Variants in ANKS1B observed in about 807,000 individuals in gnomAD.
ANKS1B encodes ankyrin repeat and sterile alpha motif domain containing 1B.
ANKS1B carries 36 observed loss-of-function variants against 148.3 expected under a neutral mutation model. That is an observed-to-expected ratio of 0.24 (90% CI 0.19 to 0.32). The LOEUF is 0.32. Among genes scored for constraint, ANKS1B ranks in the 10% least tolerant of loss-of-function variants. ANKS1B has a pLI of 1.00. For synonymous variants in ANKS1B, 542 were observed against 560.8 expected (o/e 0.97, Z 0.47); for missense variants, 1,157 against 1,542.6 (o/e 0.75, Z 4.19).
intron 9 of ANKS1B, among the ~76,000 whole-genome samples, chr12:98,738,972 A>G (rs1389587088): frequency 6.6e-6 from 1 of 152,112 alleles, no homozygotes; most frequent in African/African-American, 2.4e-5. Flanking sequence ...CTATTTTTTG[A>G]GGGCCTTTTA....
chr12:99,717,940 G>T, intron 8 of ANKS1B, among the ~76,000 whole-genome samples: 1 of 118,294 alleles, frequency 8.5e-6, no homozygotes. Context: ...GTCTCGCTCT[G>T]TCGCCCAGGC....
chr12:99,493,121 C>T (rs534839777), intron 10 of ANKS1B, among the ~76,000 whole-genome samples: 1 of 152,186 alleles, frequency 6.6e-6, no homozygotes, highest in East Asian at 1.9e-4. Flanking sequence ...GACAATATTG[C>T]CTCTTTCAGG....
intron 1 of ANKS1B, among the ~76,000 whole-genome samples, chr12:99,907,930 T>C (rs1016063774): frequency 6.6e-6 from 1 of 150,766 alleles, no homozygotes; most frequent in Admixed American, 6.6e-5. Flanking sequence ...AGCAACATGA[T>C]AACAAATCAC....
chr12:99,292,228 C>T lies in ANKS1B; in HGVS notation c.1757-45364G>A, dbSNP rs538885246. Among the ~76,000 whole-genome samples the T allele has an allele frequency of 2.6e-5, 4 of 151,972 alleles. No homozygotes were observed. The South Asian group carries it at 6.2e-4, about 24-fold the overall frequency. ...ATCAGATTGGCTGGGCATGGTGGCT[C>T]ACGCCTGTAATCCCAGCACTTTGGG... On this transcript the variant is annotated intron_variant, in intron 12 of 26. Coordinates refer to ENST00000683438, the MANE Select transcript of ANKS1B (RefSeq NM_001352186.2).
At chr12:98,920,359 G>T (rs184588873) in intron 17 of ANKS1B, among the ~76,000 whole-genome samples, 1 of 152,144 alleles carries the variant, frequency 6.6e-6, no homozygotes, top group African/African-American at 2.4e-5. Context: ...GTATTAGTCC[G>T]TTTTCATGCT....
chr12:99,557,366 T>C (rs1445793362), intron 9 of ANKS1B, among the ~76,000 whole-genome samples: 1 of 152,196 alleles, frequency 6.6e-6, no homozygotes, highest in Non-Finnish European at 1.5e-5. Flanking sequence ...TTTTAATTCT[T>C]TTTTCTTTAT....
At chr12:99,506,081 C>A (rs1346761720) in intron 9 of ANKS1B, among the ~76,000 whole-genome samples, 1 of 151,918 alleles carries the variant, frequency 6.6e-6, no homozygotes, top group Non-Finnish European at 1.5e-5. Context: ...ATTGCTAGCC[C>A]AGGAAAATAT....
chr12:99,562,959 T>C (rs1156646929), intron 9 of ANKS1B, among the ~76,000 whole-genome samples: 1 of 152,226 alleles, frequency 6.6e-6, no homozygotes, highest in Non-Finnish European at 1.5e-5. Context: ...TACAGTTTTG[T>C]ACTATGGAGA....
chr12:99,812,512 C>CAT (rs2068501966), intron 2 of ANKS1B, among the ~76,000 whole-genome samples: 2 of 59,790 alleles, frequency 3.3e-5, no homozygotes, highest in Non-Finnish European at 7.4e-5. Flanking sequence ...CACCCCATGC[C>CAT]ACACACACAC....
At chr12:99,526,034 T>C (rs763465653) in intron 9 of ANKS1B, among the ~76,000 whole-genome samples, 12 of 152,142 alleles carry the variant, frequency 7.9e-5, no homozygotes, top group Non-Finnish European at 1.3e-4. Context: ...GTTGTAAAAA[T>C]AGCTAGAAAT....
intron 19 of ANKS1B, among the ~76,000 whole-genome samples, chr12:98,825,602 G>A (rs1474273724): frequency 1.3e-5 from 2 of 151,912 alleles, no homozygotes; most frequent in Non-Finnish European, 2.9e-5. Context: ...TTTCTCATAC[G>A]TTTTTCTGTA....
intron 17 of ANKS1B, among the ~76,000 whole-genome samples, chr12:99,045,909 C>T (rs2099962009): frequency 6.6e-6 from 1 of 152,146 alleles, no homozygotes; most frequent in South Asian, 2.1e-4. Context: ...GGTAGACTAG[C>T]GTGGCTAGAG....
At chr12:98,736,664 AG>A (rs2097774797) in intron 9 of ANKS1B, among the ~76,000 whole-genome samples, 1 of 151,888 alleles carries the variant, frequency 6.6e-6, no homozygotes, top group Admixed American at 6.6e-5. Context: ...TAGAAAAGAC[AG>A]GGGGCCCCAA....
rs959079024 is a variant in ANKS1B at position 99,409,025 on chromosome 12, T to C, written c.1576-9214A>G. On this transcript the variant is annotated intron_variant, in intron 11 of 26. Coordinates refer to ENST00000683438, the MANE Select transcript of ANKS1B (RefSeq NM_001352186.2). ...TGCTAGGTATATTCCCAAAAGTATA[T>C]CGAAAACATAGCTCATTCTCTCTCA... 1.2e-4 allele frequency among the ~76,000 whole-genome samples: 18 copies of C among 152,096 alleles called. No individual in the cohort carries two copies. The South Asian group carries it at 1.7e-3, about 14-fold the overall frequency.
chr12:99,514,781 C>T (rs2096799440), intron 9 of ANKS1B, among the ~76,000 whole-genome samples: 1 of 151,954 alleles, frequency 6.6e-6, no homozygotes. Flanking sequence ...ATTTTCAAGC[C>T]TTTGTATGTC....
At chr12:99,127,078 C>T (rs1009595762) in intron 15 of ANKS1B, among the ~76,000 whole-genome samples, 2 of 152,190 alleles carry the variant, frequency 1.3e-5, no homozygotes, top group South Asian at 2.1e-4. Context: ...AGTAGAATTG[C>T]AACTTTCTGC....
chr12:99,838,046 A>G (rs578018469), intron 1 of ANKS1B, among the ~76,000 whole-genome samples: 1 of 152,152 alleles, frequency 6.6e-6, no homozygotes, highest in East Asian at 1.9e-4. Flanking sequence ...TGACTTTCTA[A>G]GTTCTTTCAC....
intron 9 of ANKS1B, among the ~76,000 whole-genome samples, chr12:99,610,567 G>T (rs1255958919): frequency 6.6e-6 from 1 of 152,012 alleles, no homozygotes; most frequent in East Asian, 1.9e-4. Flanking sequence ...AGTTTCTATG[G>T]CCTGCCTTAG....
At chr12:99,875,641 G>A (rs913587217) in intron 1 of ANKS1B, among the ~76,000 whole-genome samples, 4 of 152,190 alleles carry the variant, frequency 2.6e-5, no homozygotes, top group African/African-American at 9.7e-5. Flanking sequence ...AGCTGACACA[G>A]ACTATATGCA....
Sources: gnomAD v4.1 joint callset for allele counts (sites outside exome capture counted in the v4.1 genomes callset) on GRCh38, gnomAD v4.1.1 for gene constraint, MANE v1.5 for transcripts, NCBI Gene and HGNC (gene_info 2026-07-23, HGNC 2026-07-21) for gene names.